ACACA: variants seen among roughly 807,000 people sequenced by gnomAD.
The protein encoded by ACACA is acetyl-CoA carboxylase alpha.
In ACACA, 103 loss-of-function variants were observed where a neutral mutation model predicts 296.1. That is an observed-to-expected ratio of 0.35 (90% CI 0.30 to 0.41). The LOEUF (loss-of-function observed/expected upper bound fraction) is 0.41. Among genes scored for constraint, ACACA ranks in the 10% least tolerant of loss-of-function variants. The pLI, the probability that ACACA is intolerant of heterozygous loss-of-function variation, is 1.00. For synonymous variants in ACACA, 953 were observed against 1,038.6 expected (o/e 0.92, Z 1.58); for missense variants, 1,554 against 2,989.7 (o/e 0.52, Z 11.20).
intron 3 of ACACA, among the ~76,000 whole-genome samples, chr17:37,294,918 T>C (rs1474852748): frequency 6.6e-6 from 1 of 152,224 alleles, no homozygotes; most frequent in African/African-American, 2.4e-5. Context: ...TGAGGTTTCC[T>C]TTTGTCCCTG....
At chr17:37,094,757 C>A (rs556240677) in intron 54 of ACACA, among the ~76,000 whole-genome samples, 2 of 152,352 alleles carry the variant, frequency 1.3e-5, no homozygotes, top group East Asian at 1.9e-4. Flanking sequence ...AAGCCACATG[C>A]CCTGACATCA....
At chr17:37,290,117 G>A (rs914893884) in intron 3 of ACACA, among the ~76,000 whole-genome samples, 1 of 151,946 alleles carries the variant, frequency 6.6e-6, no homozygotes, top group South Asian at 2.1e-4. Context: ...GTCCAATCTC[G>A]GCTTATTGCA....
At chr17:37,183,188 G>A (rs1266403348) in intron 39 of ACACA, among the ~76,000 whole-genome samples, 3 of 152,078 alleles carry the variant, frequency 2.0e-5, no homozygotes, top group African/African-American at 4.8e-5. Flanking sequence ...CTTGAGACTC[G>A]GTTTGGCCAA....
At chr17:37,168,867 A>G (rs2076782395) in intron 41 of ACACA, among the ~76,000 whole-genome samples, 1 of 152,224 alleles carries the variant, frequency 6.6e-6, no homozygotes, top group African/African-American at 2.4e-5. Context: ...GGTTAAATAC[A>G]TATTTATATT....
chr17:37,228,642 A>G (rs2079668655), intron 25 of ACACA, among the ~76,000 whole-genome samples: 1 of 152,180 alleles, frequency 6.6e-6, no homozygotes, highest in Non-Finnish European at 1.5e-5. Context: ...AGGGAAACCA[A>G]CATAATTTTT....
intron 52 of ACACA, among the ~76,000 whole-genome samples, chr17:37,111,240 G>A (rs2073956655): frequency 6.6e-6 from 1 of 152,086 alleles, no homozygotes; most frequent in Non-Finnish European, 1.5e-5. Flanking sequence ...GCCCCCAGCA[G>A]CAACTCTAGC....
chr17:37,226,883 C>T lies in ACACA; in HGVS notation c.3247-431G>A, dbSNP rs1474068592. On this transcript the variant is annotated intron_variant, in intron 25 of 55. Transcript: ENST00000616317. ...TAGATATAAGGCAAAAAGAACCACC[C>T]CAGTGGTTTTCATCTCATAAACCAA... 3.3e-5 allele frequency among the ~76,000 whole-genome samples: 5 copies of T among 152,148 alleles called. No homozygotes were observed. In the East Asian group the frequency reaches 9.6e-4, roughly 29 times the overall value.
At chr17:37,377,861 C>T in intron 1 of ACACA, 1 of 1,605,734 alleles carries the variant, frequency 6.2e-7, no homozygotes, top group Non-Finnish European at 8.5e-7. Context: ...CCCCTCCTCC[C>T]CCTCTGCTCA....
intron 24 of ACACA, among the ~76,000 whole-genome samples, chr17:37,236,165 A>G (rs1310140620): frequency 6.6e-6 from 1 of 152,250 alleles, no homozygotes; most frequent in Non-Finnish European, 1.5e-5. Flanking sequence ...ACACTGGACC[A>G]GTGTAACCAG....
intron 3 of ACACA, chr17:37,299,784 G>A: frequency 1.0e-6 from 1 of 995,612 alleles, no homozygotes; most frequent in Non-Finnish European, 1.2e-6. Flanking sequence ...ACATGACAGG[G>A]AAAGCCCAGG....
intron 51 of ACACA, among the ~76,000 whole-genome samples, chr17:37,111,861 A>C (rs1372262739): frequency 1.3e-5 from 2 of 152,138 alleles, no homozygotes; most frequent in Non-Finnish European, 2.9e-5. Flanking sequence ...AATTAAAATA[A>C]TTCTCATTAC....
chr17:37,296,929 C>A (rs1322337720), intron 3 of ACACA, among the ~76,000 whole-genome samples: 1 of 148,182 alleles, frequency 6.7e-6, no homozygotes, highest in African/African-American at 2.5e-5. Context: ...GTTGCCCAGG[C>A]TGGTCTCGAA....
chr17:37,294,188 T>C (rs181759701), intron 3 of ACACA, among the ~76,000 whole-genome samples: 1 of 151,786 alleles, frequency 6.6e-6, no homozygotes, highest in African/African-American at 2.4e-5. Flanking sequence ...TTTTATAACC[T>C]TCTATGCCAA....
At chr17:37,263,477 C>T (rs1300535673) in intron 11 of ACACA, among the ~76,000 whole-genome samples, 1 of 152,012 alleles carries the variant, frequency 6.6e-6, no homozygotes, top group African/African-American at 2.4e-5. Flanking sequence ...TTTTAGAAAG[C>T]GTTAACTACT....
At chr17:37,281,415 C>T (rs2082526212) in intron 5 of ACACA, among the ~76,000 whole-genome samples, 1 of 152,162 alleles carries the variant, frequency 6.6e-6, no homozygotes, top group South Asian at 2.1e-4. Flanking sequence ...TCTCTGTGTT[C>T]TCACCGGACC....
intron 50 of ACACA, among the ~76,000 whole-genome samples, chr17:37,116,140 G>A (rs374601991): frequency 5.9e-5 from 9 of 152,074 alleles, no homozygotes; most frequent in African/African-American, 1.9e-4. Flanking sequence ...CTACAGGTGC[G>A]TGCCACCATG....
rs2079147858 is a variant in ACACA, at chr17:37,218,743, CTTCT to C, written c.3683+2977_3683+2980del. On this transcript the variant is annotated intron_variant, in intron 29 of 55. Coordinates refer to ENST00000616317, the MANE Select transcript of ACACA (RefSeq NM_198834.3). ...AACAAATATTGGTAGCCCTCTGTAA[CTTCT>C]TTCTGTAGAATGAGAAACAATATGC... Among the ~76,000 whole-genome samples, 3 of 152,214 alleles carry C rather than the reference CTTCT, an allele frequency of 2.0e-5. No individual in the cohort carries two copies. In the South Asian group the frequency reaches 6.2e-4, roughly 31 times the overall value.
rs73287930 is a variant in ACACA, at chr17:37,112,482, G to C, written c.6452+606C>G. Among the ~76,000 whole-genome samples, 477 of 152,280 alleles carry C rather than the reference G, an allele frequency of 3.1e-3. 3 individuals are homozygous for C. Among genetic ancestry groups the C allele is most frequent in the African/African-American group, 0.011 (464 of 41,538 alleles). On this transcript the variant is annotated intron_variant, in intron 51 of 55. Coordinates refer to ENST00000616317, the MANE Select transcript of ACACA (RefSeq NM_198834.3). ...TGAGACTCGTCCAAATATAACAAGA[G>C]GCAGAACTGGATTTGAAACCAGACA... is the stretch of plus-strand genomic sequence containing the variant.
Position 37,181,249 on chromosome 17 carries a change from T to C in ACACA, c.4884A>G (p.Gln1628=), listed in dbSNP as rs2077306541. 2 of 1,614,034 alleles carry C rather than the reference T, an allele frequency of 1.2e-6. No individual in the cohort carries two copies. The highest frequency in any genetic ancestry group is 1.3e-5 in the African/African-American group (1 of 74,916). ...CATATATGTATGTTGTCCCTAAGGATTGTGCCTGGAACCTCTTTGATTGCA... is the reference window on the plus strand; with the variant it reads ...CATATATGTATGTTGTCCCTAAGGACTGTGCCTGGAACCTCTTTGATTGCA... ...DLLQSKRFQA[Q]SLGTTYIYDI... The change falls in exon 40 of 56, where the codon CAA becomes CAG. Residue 1628 remains glutamine (Q), a synonymous_variant. Transcript: ENST00000616317.
Sources: gnomAD v4.1 joint callset for allele counts (sites outside exome capture counted in the v4.1 genomes callset) on GRCh38, gnomAD v4.1.1 for gene constraint, MANE v1.5 for transcripts, NCBI Gene and HGNC (gene_info 2026-07-23, HGNC 2026-07-21) for gene names.